SGTB: variants seen among roughly 807,000 people sequenced by gnomAD.
The protein encoded by SGTB is small glutamine rich tetratricopeptide repeat co-chaperone beta, also known as small glutamine-rich tetratricopeptide repeat-containing protein beta.
SGTB carries 19 observed loss-of-function variants against 43.9 expected under a neutral mutation model. The ratio of observed to expected loss-of-function variants is 0.43; its 90% CI spans 0.30 to 0.63. The LOEUF (loss-of-function observed/expected upper bound fraction) is 0.63. Ranked by LOEUF, SGTB falls within the 30% of genes least tolerant of loss-of-function variation. The pLI is 0.12. For missense variants in SGTB, 304 were observed against 358.9 expected (o/e 0.85, Z 1.24); for synonymous variants, 116 against 117.3 (o/e 0.99, Z 0.07).
rs1316052215 is a variant in SGTB, at chr5:65,685,472, C to T, written c.375G>A (p.Arg125=). The change falls in exon 6 of 11, where the codon AGG becomes AGA. Residue 125 remains arginine (R), a splice_region_variant and synonymous_variant. Coordinates refer to ENST00000381007, the MANE Select transcript of SGTB (RefSeq NM_019072.3). ...DPNNAVYYCN[R]AAAQSKLGHY... ...GACCTAATTTGCTCTGAGCAGCAGCCCTAAGAGAAAGAAAACAGAATTTTA... is the reference window on the plus strand; with the variant it reads ...GACCTAATTTGCTCTGAGCAGCAGCTCTAAGAGAAAGAAAACAGAATTTTA... 3 of 1,612,724 alleles carry T rather than the reference C, an allele frequency of 1.9e-6. No individual in the cohort carries two copies. The highest frequency in any genetic ancestry group is 1.3e-5 in the African/African-American group (1 of 74,946).
Position 65,708,563 on chromosome 5 carries a change from A to C in SGTB, c.205-5T>G. ...TGAAAGGGGCAGAACGTCATTCTGAAATTAAATAAAAATCAATGCACTTCC... is the reference window on the plus strand; with the variant it reads ...TGAAAGGGGCAGAACGTCATTCTGACATTAAATAAAAATCAATGCACTTCC... On this transcript the variant is annotated splice_region_variant and splice_polypyrimidine_tract_variant and intron_variant, in intron 3 of 10. Coordinates refer to ENST00000381007, the MANE Select transcript of SGTB (RefSeq NM_019072.3). 1 of 1,611,052 alleles carries C rather than the reference A, an allele frequency of 6.2e-7. No homozygotes were observed. The highest frequency in any genetic ancestry group is 8.5e-7 in the Non-Finnish European group (1 of 1,178,600).
At chr5:65,703,923 G>A (rs1016457770) in intron 5 of SGTB, among the ~76,000 whole-genome samples, 3 of 148,812 alleles carry the variant, frequency 2.0e-5, no homozygotes, top group East Asian at 2.0e-4. Context: ...CTGTAGTCCC[G>A]GCTACTTGGG....
chr5:65,713,331 T>A (rs977694233), intron 2 of SGTB, among the ~76,000 whole-genome samples: 3 of 151,258 alleles, frequency 2.0e-5, no homozygotes, highest in Non-Finnish European at 3.0e-5. Context: ...TTCTTCCCAA[T>A]TTTTTTTTAG....
chr5:65,703,913 C>T (rs1757870331), intron 5 of SGTB, among the ~76,000 whole-genome samples: 1 of 150,678 alleles, frequency 6.6e-6, no homozygotes, highest in African/African-American at 2.4e-5. Flanking sequence ...TGACAGGCGC[C>T]TGTAGTCCCG....
chr5:65,705,878 A>C (rs924833127), intron 4 of SGTB, among the ~76,000 whole-genome samples: 14 of 151,328 alleles, frequency 9.3e-5, no homozygotes, highest in East Asian at 7.7e-4. Flanking sequence ...AAAAAAAAAA[A>C]ACACAAAAAT....
intron 4 of SGTB, among the ~76,000 whole-genome samples, chr5:65,706,793 C>A (rs940686895): frequency 7.9e-5 from 12 of 152,000 alleles, no homozygotes; most frequent in African/African-American, 2.9e-4. Flanking sequence ...GATTGCACCA[C>A]TGCACTCCAG....
rs370599745 is a variant in SGTB, at chr5:65,702,313, A to T, written c.374+1966T>A. On this transcript the variant is annotated intron_variant, in intron 5 of 10. Coordinates refer to ENST00000381007, the MANE Select transcript of SGTB (RefSeq NM_019072.3). ...CTCGGGTGGAAGTAGGAAGACAAGG[A>T]TGAGAAGCAGCCCCTGCTGAATATA... Among the ~76,000 whole-genome samples the T allele has an allele frequency of 6.6e-5, 10 of 152,356 alleles. No individual in the cohort carries two copies. The South Asian group carries it at 1.2e-3, about 19-fold the overall frequency.
chr5:65,677,008 A>C (rs1027478913), intron 8 of SGTB, among the ~76,000 whole-genome samples: 16 of 59,734 alleles, frequency 2.7e-4, no homozygotes, highest in Middle Eastern at 6.8e-3. Context: ...GACACAGAAA[A>C]CCCTTCAAAA....
intron 2 of SGTB, among the ~76,000 whole-genome samples, chr5:65,720,328 T>G (rs2150726837): frequency 6.6e-6 from 1 of 152,214 alleles, no homozygotes; most frequent in Non-Finnish European, 1.5e-5. Context: ...ATGACCTACC[T>G]GCCTCGGCCT....
intron 4 of SGTB, among the ~76,000 whole-genome samples, chr5:65,704,666 C>G (rs1394870341): frequency 6.6e-6 from 1 of 152,138 alleles, no homozygotes; most frequent in Non-Finnish European, 1.5e-5. Context: ...TATCTCATGG[C>G]AAAAGTGAAT....
intron 2 of SGTB, among the ~76,000 whole-genome samples, chr5:65,718,602 T>C (rs1191207764): frequency 1.3e-5 from 2 of 152,218 alleles, no homozygotes; most frequent in African/African-American, 4.8e-5. Flanking sequence ...GCTGATGATA[T>C]ACCAGCTTCA....
At chr5:65,683,301 T>G (rs1040795148) in intron 6 of SGTB, among the ~76,000 whole-genome samples, 6 of 152,244 alleles carry the variant, frequency 3.9e-5, no homozygotes, top group African/African-American at 1.4e-4. Context: ...CACCCTCAGT[T>G]GAGATCGAGA....
chr5:65,715,604 C>T (rs1477974797), intron 2 of SGTB, among the ~76,000 whole-genome samples: 1 of 152,234 alleles, frequency 6.6e-6, no homozygotes, highest in Non-Finnish European at 1.5e-5. Context: ...TTTCTAGACA[C>T]TTTTGACATA....
At chr5:65,691,666 C>A (rs1314229920) in intron 5 of SGTB, among the ~76,000 whole-genome samples, 1 of 149,776 alleles carries the variant, frequency 6.7e-6, no homozygotes, top group Non-Finnish European at 1.5e-5. Context: ...ACAGGCCGGG[C>A]GCAGTGCCTC....
chr5:65,713,292 TCTC>T (rs1758078139), intron 2 of SGTB, among the ~76,000 whole-genome samples: 1 of 151,920 alleles, frequency 6.6e-6, no homozygotes, highest in Non-Finnish European at 1.5e-5. Flanking sequence ...CCCTTTCCCT[TCTC>T]CTTCCCCTTC....
At chr5:65,696,679 A>C (rs1382092943) in intron 5 of SGTB, among the ~76,000 whole-genome samples, 3 of 152,252 alleles carry the variant, frequency 2.0e-5, no homozygotes, top group Non-Finnish European at 4.4e-5. Flanking sequence ...ACGTATGATA[A>C]GCATACGATA....
intron 5 of SGTB, among the ~76,000 whole-genome samples, chr5:65,698,947 T>C (rs1198520493): frequency 6.6e-6 from 1 of 152,132 alleles, no homozygotes; most frequent in Non-Finnish European, 1.5e-5. Flanking sequence ...TGTAAATTAA[T>C]ACAACCTATA....
chr5:65,680,773 A>T lies in SGTB; in HGVS notation c.501T>A (p.Asn167Lys). ...AACTTGTAACTGCTTCTTCAAATTT[A>T]TTCAAGGCAGTGAGGGCCAGCCTGA... is the stretch of plus-strand genomic sequence containing the variant. ...GRMGLALTAL[N>K]KFEEAVTSYQ... Residue 167 changes from asparagine to lysine, a missense_variant, in exon 7 of 11, where the codon AAT (asparagine) becomes AAA (lysine). By Grantham distance (94) the Asn-to-Lys change is moderately conservative. Transcript: ENST00000381007. 5.0e-6 allele frequency: 8 copies of T among 1,613,692 alleles called. No homozygotes were observed. The highest frequency in any genetic ancestry group is 6.8e-6 in the Non-Finnish European group (8 of 1,179,992).
intron 2 of SGTB, among the ~76,000 whole-genome samples, chr5:65,719,411 G>A (rs1055998823): frequency 3.9e-5 from 6 of 151,916 alleles, no homozygotes; most frequent in South Asian, 4.2e-4. Flanking sequence ...GCAACATGGC[G>A]AAACTCTGTC....
Sources: allele counts gnomAD v4.1 joint callset (sites outside exome capture counted in the v4.1 genomes callset), GRCh38; gene constraint gnomAD v4.1.1; transcripts MANE v1.5; gene names NCBI Gene and HGNC (gene_info 2026-07-23, HGNC 2026-07-21).